Variants in BRD10 observed in about 807,000 individuals in gnomAD.
BRD10 encodes the protein uncharacterized bromodomain-containing protein 10.
the BRD10 span, among the ~76,000 whole-genome samples, chr9:5,928,188 A>C: frequency 6.6e-6 from 1 of 152,066 alleles, no homozygotes; most frequent in African/African-American, 2.4e-5. Context: ...CCAATCCTTA[A>C]GCAAATTCTA....
At chr9:5,952,772 G>C in the BRD10 span, among the ~76,000 whole-genome samples, 3 of 152,166 alleles carry the variant, frequency 2.0e-5, no homozygotes, top group African/African-American at 7.2e-5. Flanking sequence ...CGGAGAAATA[G>C]TAAACACAGG....
chr9:5,939,341 G>A, the BRD10 span, among the ~76,000 whole-genome samples: 1 of 151,894 alleles, frequency 6.6e-6, no homozygotes, highest in East Asian at 1.9e-4. Flanking sequence ...ATTTACTTAT[G>A]TTATCATTCC....
chr9:5,995,475 C>T, the BRD10 span, among the ~76,000 whole-genome samples: 5 of 152,194 alleles, frequency 3.3e-5, no homozygotes, highest in Admixed American at 6.5e-5. Context: ...CTTTCTCTGT[C>T]TGTTAGCTGC....
chr9:5,919,855 C>T, the BRD10 span: 2 of 1,613,782 alleles, frequency 1.2e-6, no homozygotes, highest in African/African-American at 2.7e-5. Flanking sequence ...CTGGGCTAAC[C>T]AACAATTTTT....
chr9:5,986,169 T>G, the BRD10 span, among the ~76,000 whole-genome samples: 4 of 152,154 alleles, frequency 2.6e-5, no homozygotes, highest in African/African-American at 9.6e-5. Flanking sequence ...TTCCCCTCCC[T>G]GTGTCCATGT....
chr9:5,974,773 G>A, the BRD10 span, among the ~76,000 whole-genome samples: 3 of 152,174 alleles, frequency 2.0e-5, no homozygotes, highest in Non-Finnish European at 2.9e-5. Context: ...CAAGATATTA[G>A]AGAACATAGT....
At chr9:5,887,514 G>T in the BRD10 span, among the ~76,000 whole-genome samples, 1 of 152,164 alleles carries the variant, frequency 6.6e-6, no homozygotes, top group East Asian at 1.9e-4. Context: ...CCTCCTCTGT[G>T]GTCTTGCCAC....
chr9:5,974,867 G>A, the BRD10 span, among the ~76,000 whole-genome samples: 4 of 152,156 alleles, frequency 2.6e-5, no homozygotes, highest in Non-Finnish European at 5.9e-5. Flanking sequence ...TCTTACCTTG[G>A]TAGTAGAGAA....
the BRD10 span, among the ~76,000 whole-genome samples, chr9:5,957,292 C>T: frequency 6.6e-6 from 1 of 152,140 alleles, no homozygotes; most frequent in Admixed American, 6.5e-5. Context: ...AGTAAGTAAG[C>T]ACCACAGTCA....
chr9:6,007,903 G>C, the BRD10 span: 1 of 1,354,902 alleles, frequency 7.4e-7, no homozygotes, highest in Non-Finnish European at 9.4e-7. Flanking sequence ...CGCCACATCG[G>C]GCCTGGCTCT....
chr9:5,993,766 G>A, the BRD10 span, among the ~76,000 whole-genome samples: 2 of 152,168 alleles, frequency 1.3e-5, no homozygotes, highest in Non-Finnish European at 2.9e-5. Context: ...CAGAGGTCAA[G>A]GCATACCAGT....
chr9:5,937,465 G>A, the BRD10 span, among the ~76,000 whole-genome samples: 1 of 152,022 alleles, frequency 6.6e-6, no homozygotes, highest in Non-Finnish European at 1.5e-5. Flanking sequence ...AACCTGGGAG[G>A]CAGAGGTTGC....
the BRD10 span, among the ~76,000 whole-genome samples, chr9:5,889,691 A>G: frequency 6.6e-6 from 1 of 152,118 alleles, no homozygotes; most frequent in East Asian, 1.9e-4. Flanking sequence ...AGGCTGAGGC[A>G]GGAGAATTGC....
chr9:5,920,133 G>C, the BRD10 span: 63 of 1,613,932 alleles, frequency 3.9e-5, no homozygotes, highest in Non-Finnish European at 5.1e-5. Flanking sequence ...TGTTGTAGAG[G>C]TTGGCCACTT....
the BRD10 span, among the ~76,000 whole-genome samples, chr9:5,937,872 C>T: frequency 6.6e-6 from 1 of 152,162 alleles, no homozygotes; most frequent in South Asian, 2.1e-4. Flanking sequence ...TCAAATAATT[C>T]AGTGACTACA....
the BRD10 span, chr9:6,007,288 G>C: frequency 6.2e-7 from 1 of 1,613,878 alleles, no homozygotes; most frequent in Non-Finnish European, 8.5e-7. Context: ...GCGGTAGCAC[G>C]TCTCCAGCAT....
At chr9:5,924,733 G>A in the BRD10 span, 4 of 1,606,718 alleles carry the variant, frequency 2.5e-6, no homozygotes, top group Admixed American at 3.3e-5. Flanking sequence ...TCTCCCTTAG[G>A]AGAGTCTTTT....
chr9:5,919,559 C>CACACACAT, the BRD10 span: 1 of 715,814 alleles, frequency 1.4e-6, no homozygotes, highest in Non-Finnish European at 2.3e-6. Context: ...CACACACACA[C>CACACACAT]ACACACACAC....
the BRD10 span, among the ~76,000 whole-genome samples, chr9:5,982,935 T>A: frequency 6.6e-6 from 1 of 152,212 alleles, no homozygotes; most frequent in Non-Finnish European, 1.5e-5. Context: ...ATTTTAAATT[T>A]TGAATTTTTA....
Sources: allele counts gnomAD v4.1 joint callset (sites outside exome capture counted in the v4.1 genomes callset), GRCh38; gene constraint gnomAD v4.1.1; transcripts MANE v1.5; gene names NCBI Gene and HGNC (gene_info 2026-07-23, HGNC 2026-07-21).